Variants in RAPGEF6 observed in about 807,000 individuals in gnomAD.
The protein encoded by RAPGEF6 is Rap guanine nucleotide exchange factor 6.
Under a neutral mutation model 171.4 loss-of-function variants are expected in RAPGEF6, and 56 were observed. The observed-to-expected ratio is 0.33, with a 90% CI of 0.26 to 0.41. The LOEUF is 0.41. Ranked by LOEUF, RAPGEF6 falls within the 10% of genes least tolerant of loss-of-function variation. The pLI is 1.00. For missense variants in RAPGEF6, 1,674 were observed against 1,921.4 expected (o/e 0.87, Z 2.41); for synonymous variants, 692 against 650.1 (o/e 1.06, Z -0.98).
intron 4 of RAPGEF6, among the ~76,000 whole-genome samples, chr5:131,589,612 C>G (rs73788710): frequency 0.027 from 4,051 of 152,326 alleles, 190 homozygotes; most frequent in African/African-American, 0.092. Flanking sequence ...CATACTGGCT[C>G]TCAGCTTCAA....
chr5:131,433,722 G>A, intron 24 of RAPGEF6, 64 bp from the exon 25 acceptor site: 1 of 1,221,708 alleles, frequency 8.2e-7, no homozygotes, highest in Non-Finnish European at 1.2e-6. Context: ...GGGTAGTAGG[G>A]GAAAGGATGA....
intron 21 of RAPGEF6, among the ~76,000 whole-genome samples, chr5:131,449,841 A>G (rs578210648): frequency 6.6e-5 from 10 of 152,362 alleles, no homozygotes; most frequent in Non-Finnish European, 1.3e-4. Context: ...GGAAAAATAA[A>G]GGAAAAATAG....
intron 3 of RAPGEF6, among the ~76,000 whole-genome samples, chr5:131,599,300 C>A (rs577403149): frequency 6.6e-6 from 1 of 152,190 alleles, no homozygotes; most frequent in Non-Finnish European, 1.5e-5. Flanking sequence ...GCACTCCAGC[C>A]TGGGTGACAG....
At chr5:131,607,960 T>C (rs1172407604) in intron 1 of RAPGEF6, among the ~76,000 whole-genome samples, 2 of 152,118 alleles carry the variant, frequency 1.3e-5, no homozygotes, top group Non-Finnish European at 2.9e-5. Flanking sequence ...TCCGGAAATA[T>C]CTAAAGTGAA....
intron 13 of RAPGEF6, among the ~76,000 whole-genome samples, chr5:131,494,718 C>T (rs1399454792): frequency 6.6e-6 from 1 of 151,982 alleles, no homozygotes; most frequent in Non-Finnish European, 1.5e-5. Context: ...TTTGGCCACA[C>T]AGAATGAACT....
At chr5:131,540,960 G>A (rs888361744) in intron 6 of RAPGEF6, among the ~76,000 whole-genome samples, 4 of 152,144 alleles carry the variant, frequency 2.6e-5, no homozygotes, top group South Asian at 2.1e-4. Context: ...CAGCCCGGGC[G>A]ACAGTGCAAG....
intron 1 of RAPGEF6, among the ~76,000 whole-genome samples, chr5:131,604,940 T>C (rs776219673): frequency 1.3e-5 from 2 of 152,178 alleles, no homozygotes; most frequent in Non-Finnish European, 2.9e-5. Context: ...GAACCCCAAA[T>C]TCATTATTTT....
rs572263410 is a variant in RAPGEF6, at chr5:131,551,228, C to T, written c.352-3038G>A. ...GTACAGTGTCTCATAAAAGTTAATT[C>T]ACAGGCTGGGCAGGGTGGCTCACGC... On this transcript the variant is annotated intron_variant, in intron 5 of 27. Transcript: ENST00000509018. Among the ~76,000 whole-genome samples the T allele has an allele frequency of 2.6e-5, 4 of 152,154 alleles. No individual in the cohort carries two copies. The South Asian group carries it at 8.3e-4, about 32-fold the overall frequency.
chr5:131,456,133 T>C (rs956603384), intron 19 of RAPGEF6, 121 bp from the exon 20 acceptor site: 35 of 656,666 alleles, frequency 5.3e-5, no homozygotes, highest in Non-Finnish European at 7.9e-5. Context: ...TTTTAACACA[T>C]TGAAATAAAC....
At chr5:131,436,001 A>G in intron 24 of RAPGEF6, 6 of 1,536,704 alleles carry the variant, frequency 3.9e-6, no homozygotes, top group Non-Finnish European at 5.2e-6. Flanking sequence ...AAGCAGTTTA[A>G]AGTGTTACTG....
chr5:131,587,489 GACAA>G (rs1763320585), intron 4 of RAPGEF6, among the ~76,000 whole-genome samples: 1 of 152,158 alleles, frequency 6.6e-6, no homozygotes, highest in Non-Finnish European at 1.5e-5. Flanking sequence ...GTAGTGATTA[GACAA>G]ACATTCAATG....
intron 24 of RAPGEF6, among the ~76,000 whole-genome samples, chr5:131,439,192 TA>T (rs1461281847): frequency 6.6e-6 from 1 of 152,194 alleles, no homozygotes; most frequent in Non-Finnish European, 1.5e-5. Flanking sequence ...GCTGGTATTA[TA>T]AGCATGAGCC....
At chr5:131,439,407 ATAATAT>A (rs1212882012) in intron 24 of RAPGEF6, among the ~76,000 whole-genome samples, 168 bp downstream of exon 24, 80 of 152,382 alleles carry the variant, frequency 5.2e-4, no homozygotes, top group South Asian at 1.9e-3. Context: ...TACATGACAC[ATAATAT>A]CTAAAAAGCA....
intron 1 of RAPGEF6, among the ~76,000 whole-genome samples, chr5:131,628,264 T>C (rs1200331357): frequency 1.3e-5 from 2 of 152,026 alleles, no homozygotes; most frequent in Admixed American, 1.3e-4. Flanking sequence ...AAAGTGCTAC[T>C]TTAGTGAACA....
intron 11 of RAPGEF6, among the ~76,000 whole-genome samples, chr5:131,503,763 G>A (rs992039809): frequency 6.6e-6 from 1 of 152,176 alleles, no homozygotes; most frequent in East Asian, 1.9e-4. Flanking sequence ...TATTAGGAGA[G>A]GGCAGAACTT....
chr5:131,521,266 T>C, intron 7 of RAPGEF6, 124 bp downstream of exon 7: 1 of 1,037,658 alleles, frequency 9.6e-7, no homozygotes, highest in Non-Finnish European at 1.3e-6. Context: ...AAGCTTATTT[T>C]TCTAAAGACC....
chr5:131,625,778 T>C (rs1765884324), intron 1 of RAPGEF6, among the ~76,000 whole-genome samples: 1 of 148,542 alleles, frequency 6.7e-6, no homozygotes, highest in East Asian at 2.0e-4. Context: ...ATAGCGCCAC[T>C]GCGCTCCAGC....
intron 17 of RAPGEF6, among the ~76,000 whole-genome samples, chr5:131,470,751 G>T (rs1431447423): frequency 2.6e-5 from 4 of 152,194 alleles, no homozygotes; most frequent in African/African-American, 9.6e-5. Context: ...GTGGCAGAGG[G>T]AGGTGGGTTT....
intron 5 of RAPGEF6, among the ~76,000 whole-genome samples, chr5:131,552,884 A>C (rs1761008669): frequency 6.6e-6 from 1 of 152,244 alleles, no homozygotes; most frequent in South Asian, 2.1e-4. Context: ...GAAGCAAGAC[A>C]TAATTAAAAA....
Sources: gnomAD v4.1 joint callset for allele counts (sites outside exome capture counted in the v4.1 genomes callset) on GRCh38, gnomAD v4.1.1 for gene constraint, MANE v1.5 for transcripts, NCBI Gene and HGNC (gene_info 2026-07-23, HGNC 2026-07-21) for gene names.